ZBTB44: variants seen among roughly 807,000 people sequenced by gnomAD.
The protein encoded by ZBTB44 is zinc finger and BTB domain-containing protein 44.
ZBTB44 carries 15 observed loss-of-function variants against 54.0 expected under a neutral mutation model. That is an observed-to-expected ratio of 0.28 (90% CI 0.19 to 0.43). The LOEUF is 0.43. ZBTB44 is among the 20% of genes least tolerant of loss of function. The pLI, the probability that ZBTB44 is intolerant of heterozygous loss-of-function variation, is 1.00. For missense variants in ZBTB44, 487 were observed against 707.1 expected (o/e 0.69, Z 3.53); for synonymous variants, 230 against 250.1 (o/e 0.92, Z 0.76).
intron 2 of ZBTB44, among the ~76,000 whole-genome samples, chr11:130,255,376 T>C (rs929180619): frequency 6.6e-6 from 1 of 152,090 alleles, no homozygotes; most frequent in African/African-American, 2.4e-5. Context: ...AGAGACAAGG[T>C]ACCAGAATCT....
chr11:130,254,637 C>T (rs1372889453), intron 2 of ZBTB44, among the ~76,000 whole-genome samples: 2 of 152,158 alleles, frequency 1.3e-5, no homozygotes, highest in East Asian at 1.9e-4. Context: ...GGACTGTAAA[C>T]TGGTTCAACC....
At chr11:130,253,016 C>T (rs1227270977) in intron 2 of ZBTB44, among the ~76,000 whole-genome samples, 1 of 152,134 alleles carries the variant, frequency 6.6e-6, no homozygotes, top group Non-Finnish European at 1.5e-5. Context: ...TTCAACAGCC[C>T]TTCATGCTAA....
Position 130,228,289 on chromosome 11 carries a change from A to G in ZBTB44, c.*3475T>C, listed in dbSNP as rs1214507256. The G allele has an allele frequency of 6.6e-6, 1 of 152,216 alleles. No homozygotes were observed. The highest frequency in any genetic ancestry group is 1.5e-5 in the Non-Finnish European group (1 of 68,040). 9.4% of individuals were successfully genotyped at this position (152,216 alleles called of 1,614,324 possible). On this transcript the variant is annotated 3_prime_UTR_variant, in exon 8 of 8. Coordinates refer to ENST00000357899, the MANE Select transcript of ZBTB44 (RefSeq NM_001301098.2). ...GCATTAGAAGTCATCACTTTGTACA[A>G]GGAAGAAAATGAATACAGTTTATGA...
intron 1 of ZBTB44, among the ~76,000 whole-genome samples, chr11:130,272,685 T>C (rs1398756506): frequency 6.8e-6 from 1 of 146,236 alleles, no homozygotes; most frequent in Non-Finnish European, 1.5e-5. Context: ...GATTTACTAA[T>C]ATCTTTTTTT....
At chr11:130,264,635 GA>G (rs1939120142) in intron 1 of ZBTB44, among the ~76,000 whole-genome samples, 1 of 152,182 alleles carries the variant, frequency 6.6e-6, no homozygotes, top group Non-Finnish European at 1.5e-5. Flanking sequence ...TATGGGATGA[GA>G]AGAAGGTGAT....
chr11:130,301,683 G>A (rs1274039330), intron 1 of ZBTB44, among the ~76,000 whole-genome samples: 3 of 151,800 alleles, frequency 2.0e-5, no homozygotes, highest in African/African-American at 7.3e-5. Context: ...AATAAATGTG[G>A]AGAAAAAAGT....
intron 1 of ZBTB44, among the ~76,000 whole-genome samples, chr11:130,293,988 A>T (rs1205836351): frequency 6.6e-6 from 1 of 152,210 alleles, no homozygotes; most frequent in Non-Finnish European, 1.5e-5. Context: ...CCTTGTTAGT[A>T]GTCACCAAGT....
chr11:130,296,627 C>T (rs191458898), intron 1 of ZBTB44: 5 of 893,750 alleles, frequency 5.6e-6, no homozygotes, highest in African/African-American at 1.6e-5. Flanking sequence ...ACATGCCTTG[C>T]CCATTTTGGG....
intron 1 of ZBTB44, chr11:130,296,830 A>G (rs1258679042): frequency 1.3e-6 from 1 of 746,898 alleles, no homozygotes; most frequent in East Asian, 2.5e-5. Flanking sequence ...CATTCTCTGA[A>G]ACAGATCTTT....
chr11:130,293,471 CAAA>C (rs1197563571), intron 1 of ZBTB44, among the ~76,000 whole-genome samples: 12 of 78,592 alleles, frequency 1.5e-4, no homozygotes, highest in Admixed American at 3.1e-4. Context: ...GATCTTGTAT[CAAA>C]AAAAAAAAAA....
intron 5 of ZBTB44, chr11:130,236,062 C>A: frequency 8.8e-7 from 1 of 1,137,920 alleles, no homozygotes; most frequent in Non-Finnish European, 1.1e-6. Flanking sequence ...TTTAAAACAA[C>A]AGTTTTATAT....
chr11:130,254,465 C>A (rs1209468930), intron 2 of ZBTB44, among the ~76,000 whole-genome samples: 1 of 152,130 alleles, frequency 6.6e-6, no homozygotes, highest in African/African-American at 2.4e-5. Flanking sequence ...CCAAAAGACA[C>A]ATGAAAAAAT....
At chr11:130,262,058 G>A in intron 1 of ZBTB44, 129 bp from the exon 2 acceptor site, 1 of 663,148 alleles carries the variant, frequency 1.5e-6, no homozygotes, top group Admixed American at 3.1e-5. Context: ...AAACTTCAAG[G>A]TAGGGACTGT....
At position 130,314,880 on chromosome 11, in the gene ZBTB44, C is replaced by G. The variant is rs1289132020; in HGVS notation, c.-562G>C. On this transcript the variant is annotated 5_prime_UTR_variant, in exon 1 of 8. Transcript: ENST00000357899. ...CGCCGCCGTTGCCGCTCCGCTCACT[C>G]CAGCCTGTTTGGGGGCACTTTGTTT... The G allele has an allele frequency of 1.3e-5, 2 of 152,002 alleles. No homozygotes were observed. Among genetic ancestry groups the G allele is most frequent in the African/African-American group, 2.4e-5 (1 of 41,290 alleles). 9.4% of individuals were successfully genotyped at this position (152,002 alleles called of 1,614,324 possible). A position where few individuals can be genotyped will look rare whatever the true frequency, so the allele number is the denominator to read the frequency against.
intron 1 of ZBTB44, among the ~76,000 whole-genome samples, chr11:130,305,744 A>G (rs1216402854): frequency 6.6e-6 from 1 of 152,180 alleles, no homozygotes; most frequent in Admixed American, 6.5e-5. Flanking sequence ...CAACAAAAAT[A>G]AATGGGACCT....
At chr11:130,266,668 T>C (rs562438981) in intron 1 of ZBTB44, among the ~76,000 whole-genome samples, 20 of 152,296 alleles carry the variant, frequency 1.3e-4, no homozygotes, top group Non-Finnish European at 2.6e-4. Flanking sequence ...CATGGATGAC[T>C]TTGAGAGGTT....
intron 2 of ZBTB44, among the ~76,000 whole-genome samples, chr11:130,249,985 C>T (rs1278568267): frequency 1.3e-5 from 2 of 152,202 alleles, no homozygotes; most frequent in Non-Finnish European, 2.9e-5. Context: ...AGGTCCCACT[C>T]CCACAGAGCC....
Position 130,261,751 on chromosome 11 carries a change from G to A in ZBTB44, c.123C>T (p.Ile41=). 6.2e-7 allele frequency: 1 copy of A among 1,614,052 alleles called. No individual in the cohort carries two copies. The change falls in exon 2 of 8, where the codon ATC becomes ATT. Residue 41 remains isoleucine (I), a synonymous_variant. Coordinates refer to ENST00000357899, the MANE Select transcript of ZBTB44 (RefSeq NM_001301098.2). The surrounding 1 kb of genome is among the most constrained non-coding windows in gnomAD (Gnocchi z 4.8). ...CDITIRVQDK[I]FRAHKVVLAA... is the part of the protein sequence containing the mutation. ...CTAGTACCACCTTATGTGCCCGGAAGATTTTGTCCTGGACACGAATAGTGA... is the reference window on the plus strand; with the variant it reads ...CTAGTACCACCTTATGTGCCCGGAAAATTTTGTCCTGGACACGAATAGTGA...
chr11:130,243,382 T>G (rs574516645), intron 2 of ZBTB44, among the ~76,000 whole-genome samples: 10 of 152,368 alleles, frequency 6.6e-5, no homozygotes, highest in African/African-American at 2.4e-4. Flanking sequence ...AGAAGTTTTA[T>G]GTTTGCTTCT....
Sources: gnomAD v4.1 joint callset for allele counts (sites outside exome capture counted in the v4.1 genomes callset) on GRCh38, gnomAD v4.1.1 for gene constraint, Gnocchi (gnomAD v3.1) non-coding constraint, MANE v1.5 for transcripts, NCBI Gene and HGNC (gene_info 2026-07-23, HGNC 2026-07-21) for gene names.